Variants in RLF observed in about 807,000 individuals in gnomAD.
RLF encodes the protein RLF zinc finger.
In RLF, 7 loss-of-function variants were observed where a neutral mutation model predicts 162.9. That is an observed-to-expected ratio of 0.04 (90% CI 0.02 to 0.08). The LOEUF (loss-of-function observed/expected upper bound fraction) is 0.08. Among genes scored for constraint, RLF ranks in the 10% least tolerant of loss-of-function variants. RLF has a pLI of 1.00. For synonymous variants in RLF, 782 were observed against 791.5 expected (o/e 0.99, Z 0.20); for missense variants, 1,664 against 2,244.7 (o/e 0.74, Z 5.23).
intron 1 of RLF, among the ~76,000 whole-genome samples, chr1:40,185,352 ACTC>A (rs999526550): frequency 1.0e-4 from 15 of 148,952 alleles, no homozygotes; most frequent in African/African-American, 3.7e-4. Flanking sequence ...GCTGGTCTGA[ACTC>A]CTGACCTCAA....
Position 40,235,785 on chromosome 1 carries a change from C to T in RLF, c.1090-7C>T, listed in dbSNP as rs1643210100. On this transcript the variant is annotated splice_polypyrimidine_tract_variant and splice_region_variant and intron_variant, in intron 7 of 7. Coordinates refer to ENST00000372771, the MANE Select transcript of RLF (RefSeq NM_012421.4). ...AAAATAATTTTTTTATCCTCTTTTA[C>T]TTACAGGCACAAGATGCTGGTCTTG... 1 of 1,520,522 alleles carries T rather than the reference C, an allele frequency of 6.6e-7. No individual in the cohort carries two copies. The highest frequency in any genetic ancestry group is 1.3e-5 in the South Asian group (1 of 76,180). The allele number at this position is 1,520,522 out of a possible 1,614,324, so 94.2% of individuals were successfully genotyped here.
intron 5 of RLF, among the ~76,000 whole-genome samples, chr1:40,217,471 T>A (rs1642939148): frequency 6.6e-6 from 1 of 151,164 alleles, no homozygotes; most frequent in Admixed American, 6.6e-5. Context: ...ACCCTGTCTC[T>A]TATAGTAAAA....
rs145073092 is a variant in RLF, at chr1:40,195,756, C to A, written c.599C>A (p.Thr200Lys). Residue 200 changes from threonine (T) to lysine (K), a missense_variant, in exon 4 of 8, where the codon ACG becomes AAG. By Grantham distance (78) the Thr-to-Lys change is moderately conservative. This residue lies in a region of RLF where 287 missense variants were observed against 404.9 expected (regional missense o/e 0.71). Coordinates refer to ENST00000372771, the MANE Select transcript of RLF (RefSeq NM_012421.4). The stretch of plus-strand genomic sequence containing the variant: ...ATTCTGTCTCAACAGCCAGTAGAAA[C>A]GGAGGAAGGTAAGTCTTAAGACTAT... ...LKILSQQPVE[T>K]EEVNKLIAQE... The A allele has an allele frequency of 6.2e-7, 1 of 1,613,172 alleles. No homozygotes were observed. Among genetic ancestry groups the A allele is most frequent in the African/African-American group, 1.3e-5 (1 of 74,974 alleles).
At chr1:40,185,842 G>GCAAAAAAAAAAAAAAAAAAAAAA (rs1642471725) in intron 1 of RLF, among the ~76,000 whole-genome samples, 1 of 9,420 alleles carries the variant, frequency 1.1e-4, no homozygotes, top group Non-Finnish European at 2.0e-4. Context: ...AAAAAAAAAA[G>GCAAAAAAAAAAAAAAAAAAAAAA]CAAAAAAAAA....
intron 4 of RLF, among the ~76,000 whole-genome samples, chr1:40,197,974 C>T (rs1479675770): frequency 1.3e-5 from 2 of 152,116 alleles, no homozygotes; most frequent in Non-Finnish European, 1.5e-5. Context: ...CTGACATGAT[C>T]AGTAAAGATG....
chr1:40,238,509 T>G lies in RLF; in HGVS notation c.3807T>G (p.Ser1269=). The change falls in exon 8 of 8, where the codon TCT becomes TCG. Residue 1269 remains serine, a synonymous_variant. Coordinates refer to ENST00000372771, the MANE Select transcript of RLF (RefSeq NM_012421.4). The surrounding 1 kb of genome is among the most constrained non-coding windows in gnomAD (Gnocchi z 5.2). ...GTGAAGAAACAGAAAGTAAAACATC[T>G]GACATTTCATCACCAATAGGCAGCC... ...SSCEETESKT[S]DISSPIGSHR... 1.2e-6 allele frequency: 2 copies of G among 1,613,944 alleles called. No individual in the cohort carries two copies. The highest frequency in any genetic ancestry group is 8.5e-7 in the Non-Finnish European group (1 of 1,180,004).
At chr1:40,229,323 A>G (rs981702334) in intron 6 of RLF, among the ~76,000 whole-genome samples, 7 of 152,048 alleles carry the variant, frequency 4.6e-5, no homozygotes, top group East Asian at 1.9e-4. Flanking sequence ...GCCTATCTCA[A>G]TTTTCACTTC....
Position 40,161,421 on chromosome 1 carries a change from G to T in RLF, c.22G>T (p.Ala8Ser). The T allele has an allele frequency of 6.5e-7, 1 of 1,547,682 alleles. No homozygotes were observed. Among genetic ancestry groups the T allele is most frequent in the Non-Finnish European group, 8.7e-7 (1 of 1,152,806 alleles). ...GAAGATGGCGGACGGAAAGGGAGAC[G>T]CCGCCGCTGTCGCCGGGGCTGGGGC... The part of the protein sequence containing the change: MADGKGD[A>S]AAVAGAGAEA... The change falls in exon 1 of 8, where the codon GCC (alanine) becomes TCC (serine). Residue 8 changes from alanine to serine, a missense_variant. Physicochemically the swap from Ala to Ser is moderately conservative, Grantham distance 99. This residue lies in a region of RLF where 134 missense variants were observed against 124.3 expected (regional missense o/e 1.08). Transcript: ENST00000372771. This position sits in a 1 kb window ranked among gnomAD's most constrained non-coding sequence, Gnocchi z 4.4.
chr1:40,222,532 G>C, intron 5 of RLF, 42 bp from the exon 6 acceptor site: 1 of 1,596,538 alleles, frequency 6.3e-7, no homozygotes, highest in Non-Finnish European at 8.5e-7. Context: ...TTACTGAAAA[G>C]TCACCATTTT....
intron 5 of RLF, among the ~76,000 whole-genome samples, chr1:40,207,018 T>C (rs1390961672): frequency 6.6e-6 from 1 of 152,234 alleles, no homozygotes; most frequent in Non-Finnish European, 1.5e-5. Flanking sequence ...ATGACCCCTA[T>C]CACTTTGTCT....
At chr1:40,232,169 C>T (rs973105691) in intron 7 of RLF, among the ~76,000 whole-genome samples, 1 of 150,346 alleles carries the variant, frequency 6.7e-6, no homozygotes, top group East Asian at 1.9e-4. Flanking sequence ...GATTGCACTG[C>T]TGCACTCCAG....
Position 40,238,826 on chromosome 1 carries a change from G to C in RLF, c.4124G>C (p.Cys1375Ser). The part of the protein sequence containing the change: ...KYKECNKRFL[C>S]SKALAKHCSD... ...AAGGAATGTAATAAACGCTTCCTGT[G>C]TTCCAAAGCTCTTGCTAAGCACTGT... Residue 1375 changes from cysteine (C) to serine (S), a missense_variant, in exon 8 of 8, where the codon TGT (cysteine) becomes TCT (serine). Cys to Ser is a moderately radical substitution (Grantham distance 112). This residue lies in a region of RLF where 200 missense variants were observed against 207.3 expected (regional missense o/e 0.96). Transcript: ENST00000372771. The surrounding 1 kb of genome is among the most constrained non-coding windows in gnomAD (Gnocchi z 5.2). The C allele has an allele frequency of 6.2e-7, 1 of 1,613,988 alleles. No homozygotes were observed. Among genetic ancestry groups the C allele is most frequent in the Non-Finnish European group, 8.5e-7 (1 of 1,179,914 alleles).
chr1:40,193,429 T>C (rs994026570), intron 3 of RLF, among the ~76,000 whole-genome samples: 15 of 152,164 alleles, frequency 9.9e-5, no homozygotes, highest in African/African-American at 3.4e-4. Flanking sequence ...CAAACTGTGG[T>C]TTTTATTTCA....
intron 4 of RLF, among the ~76,000 whole-genome samples, chr1:40,201,625 CAAAAAAAAA>C (rs35897680): frequency 2.2e-5 from 2 of 91,502 alleles, no homozygotes; most frequent in East Asian, 6.6e-4. Flanking sequence ...GACTTCATCT[CAAAAAAAAA>C]AAAAAAAAAA....
chr1:40,197,020 G>A (rs1642647294), intron 4 of RLF, among the ~76,000 whole-genome samples: 1 of 152,216 alleles, frequency 6.6e-6, no homozygotes, highest in African/African-American at 2.4e-5. Flanking sequence ...TACACATTTT[G>A]AGATATCTTT....
chr1:40,177,601 T>C (rs1381876811), intron 1 of RLF, among the ~76,000 whole-genome samples: 1 of 152,148 alleles, frequency 6.6e-6, no homozygotes, highest in Non-Finnish European at 1.5e-5. Flanking sequence ...CAACAGTGTA[T>C]TTCTAAGAAC....
In RLF at chr1:40,240,133, A is replaced by G. The variant is rs1433017385; in HGVS notation, c.5431A>G (p.Asn1811Asp). 1.9e-6 allele frequency: 3 copies of G among 1,614,102 alleles called. No individual in the cohort carries two copies. The highest frequency in any genetic ancestry group is 2.7e-5 in the African/African-American group (2 of 74,940). The change falls in exon 8 of 8, where the codon AAT becomes GAT. Residue 1811 changes from asparagine (N) to aspartate (D), a missense_variant. Asn to Asp is a conservative substitution (Grantham distance 23, BLOSUM62 1). Coordinates refer to ENST00000372771, the MANE Select transcript of RLF (RefSeq NM_012421.4). ...ACAGTCCAGTAATGATTTAACAGGG[A>G]ATGTTGTGGCAAATAATATGGTGAA... The part of the protein sequence containing the change: ...SSQSSNDLTG[N>D]VVANNMVNDS...
At chr1:40,170,131 C>CT (rs920619953) in intron 1 of RLF, among the ~76,000 whole-genome samples, 2 of 151,564 alleles carry the variant, frequency 1.3e-5, no homozygotes, top group African/African-American at 2.4e-5. Flanking sequence ...AGTCACATTG[C>CT]TTTTTTTTTC....
intron 4 of RLF, among the ~76,000 whole-genome samples, chr1:40,200,662 C>T (rs569902489): frequency 6.6e-6 from 1 of 151,798 alleles, no homozygotes; most frequent in Non-Finnish European, 1.5e-5. Flanking sequence ...TGTTGTTTCT[C>T]AGGGTGGGAA....
Sources: gnomAD v4.1 joint callset for allele counts (sites outside exome capture counted in the v4.1 genomes callset) on GRCh38, gnomAD v4.1.1 for gene constraint, gnomAD v4.1.1 regional missense constraint, Gnocchi (gnomAD v3.1) non-coding constraint, MANE v1.5 for transcripts, NCBI Gene and HGNC (gene_info 2026-07-23, HGNC 2026-07-21) for gene names.